Variants in CSMD1 observed in about 807,000 individuals in gnomAD.
CSMD1 encodes CUB and Sushi multiple domains 1, also known as CUB and sushi domain-containing protein 1.
CSMD1 carries 213 observed loss-of-function variants against 417.5 expected under a neutral mutation model. That is an observed-to-expected ratio of 0.51 (90% CI 0.46 to 0.57). The LOEUF is 0.57. Among genes scored for constraint, CSMD1 ranks in the 20% least tolerant of loss-of-function variants. The pLI is 0.00. For synonymous variants in CSMD1, 2,862 were observed against 1,736.8 expected (o/e 1.65, Z -16.11); for missense variants, 6,923 against 4,529.7 (o/e 1.53, Z -15.17).
intron 1 of CSMD1, among the ~76,000 whole-genome samples, chr8:4,705,699 T>C (rs1807893655): frequency 6.6e-6 from 1 of 152,210 alleles, no homozygotes; most frequent in South Asian, 2.1e-4. Context: ...TTTCTGAGTG[T>C]CTCTTTAACG....
chr8:4,821,198 T>C (rs1372057918), intron 1 of CSMD1, among the ~76,000 whole-genome samples: 2 of 152,158 alleles, frequency 1.3e-5, no homozygotes, highest in African/African-American at 4.8e-5. Context: ...GACATTCAGG[T>C]CACGTCATGG....
chr8:3,828,685 C>T (rs759130729), intron 5 of CSMD1, among the ~76,000 whole-genome samples: 4 of 152,118 alleles, frequency 2.6e-5, no homozygotes, highest in Non-Finnish European at 5.9e-5. Flanking sequence ...GACCTCTTTT[C>T]AGGTTGCTTA....
chr8:4,956,718 C>G (rs1229169753), intron 1 of CSMD1, among the ~76,000 whole-genome samples: 1 of 152,172 alleles, frequency 6.6e-6, no homozygotes, highest in East Asian at 1.9e-4. Flanking sequence ...AATGTTCCAA[C>G]AAAGACTATG....
chr8:4,373,652 G>T (rs911063629), intron 3 of CSMD1, among the ~76,000 whole-genome samples: 2 of 152,146 alleles, frequency 1.3e-5, no homozygotes, highest in Non-Finnish European at 1.5e-5. Flanking sequence ...TATTATGGAA[G>T]TTATGATAGT....
At chr8:4,920,950 G>T (rs1163409918) in intron 1 of CSMD1, among the ~76,000 whole-genome samples, 1 of 6,000 alleles carries the variant, frequency 1.7e-4, no homozygotes, top group African/African-American at 3.8e-4. Flanking sequence ...AAGAAAGAAA[G>T]AAAGAAAGAA....
At chr8:3,884,832 C>A (rs2627361) in intron 5 of CSMD1, among the ~76,000 whole-genome samples, 1 of 151,332 alleles carries the variant, frequency 6.6e-6, no homozygotes, top group African/African-American at 2.4e-5. Flanking sequence ...TCTACTTCGT[C>A]GTCAGTCTGT....
chr8:3,487,689 A>G (rs1030745388), intron 11 of CSMD1, among the ~76,000 whole-genome samples: 4 of 152,202 alleles, frequency 2.6e-5, no homozygotes, highest in Non-Finnish European at 5.9e-5. Context: ...GGTGCCTACA[A>G]ACACATTGTC....
chr8:4,132,845 C>T, intron 3 of CSMD1, among the ~76,000 whole-genome samples: 1 of 152,122 alleles, frequency 6.6e-6, no homozygotes, highest in East Asian at 1.9e-4. Flanking sequence ...GTTTGTAGCT[C>T]AAGACAACTA....
chr8:4,396,377 G>C (rs534504468), intron 3 of CSMD1, among the ~76,000 whole-genome samples: 2 of 152,174 alleles, frequency 1.3e-5, no homozygotes, highest in African/African-American at 2.4e-5. Context: ...TGAGGCAGGA[G>C]GATTGCTTGA....
At chr8:3,204,477 A>T (rs1797143239) in intron 31 of CSMD1, among the ~76,000 whole-genome samples, 1 of 152,314 alleles carries the variant, frequency 6.6e-6, no homozygotes, top group East Asian at 1.9e-4. Flanking sequence ...ATTTGGTCCA[A>T]CTTAAAATTT....
At chr8:4,459,280 CT>C (rs1799666956) in intron 2 of CSMD1, among the ~76,000 whole-genome samples, 1 of 152,220 alleles carries the variant, frequency 6.6e-6, no homozygotes, top group Admixed American at 6.5e-5. Flanking sequence ...GTTCCTGTCA[CT>C]TGTGCACCAG....
At chr8:4,370,144 A>G (rs776215421) in intron 3 of CSMD1, among the ~76,000 whole-genome samples, 4 of 151,772 alleles carry the variant, frequency 2.6e-5, no homozygotes, top group African/African-American at 9.7e-5. Context: ...TCGAGTTTCA[A>G]CAAATTACCT....
intron 22 of CSMD1, among the ~76,000 whole-genome samples, chr8:3,347,561 C>G (rs1343252477): frequency 6.6e-6 from 1 of 152,160 alleles, no homozygotes; most frequent in East Asian, 1.9e-4. Flanking sequence ...TCAAGATTAA[C>G]TACAGAAAGG....
At chr8:4,944,714 T>C (rs1212653875) in intron 1 of CSMD1, among the ~76,000 whole-genome samples, 1 of 152,062 alleles carries the variant, frequency 6.6e-6, no homozygotes, top group African/African-American at 2.4e-5. Flanking sequence ...AGATGACTAC[T>C]GTCGAAAAGA....
chr8:4,551,063 T>C (rs1051468760), intron 2 of CSMD1, among the ~76,000 whole-genome samples: 2 of 152,160 alleles, frequency 1.3e-5, no homozygotes, highest in Non-Finnish European at 2.9e-5. Flanking sequence ...TTCTCAAAAC[T>C]AGATTCACTA....
intron 3 of CSMD1, among the ~76,000 whole-genome samples, chr8:4,240,409 G>A (rs1802324802): frequency 1.3e-5 from 2 of 152,208 alleles, no homozygotes; most frequent in Admixed American, 6.5e-5. Flanking sequence ...ACCTTTGCCT[G>A]CTCTGATCCC....
chr8:4,431,740 A>G (rs935155304), intron 2 of CSMD1, among the ~76,000 whole-genome samples: 1 of 152,234 alleles, frequency 6.6e-6, no homozygotes, highest in Non-Finnish European at 1.5e-5. Flanking sequence ...TGTTGTTCTA[A>G]CAATTTTGAA....
intron 26 of CSMD1, among the ~76,000 whole-genome samples, chr8:3,245,008 T>C (rs2116996680): frequency 6.6e-6 from 1 of 152,354 alleles, no homozygotes; most frequent in East Asian, 1.9e-4. Flanking sequence ...AGGGAGATTC[T>C]GAATTTGGTG....
chr8:3,586,112 C>T (rs551320729), intron 9 of CSMD1, 24 bp downstream of exon 9: 1 of 1,603,830 alleles, frequency 6.2e-7, no homozygotes, highest in Middle Eastern at 1.7e-4. Context: ...ATAATCCAGG[C>T]TTTACCCACC....
Sources: gnomAD v4.1 joint callset for allele counts (sites outside exome capture counted in the v4.1 genomes callset) on GRCh38, gnomAD v4.1.1 for gene constraint, MANE v1.5 for transcripts, NCBI Gene and HGNC (gene_info 2026-07-23, HGNC 2026-07-21) for gene names.